Variants in F2 observed in about 807,000 individuals in gnomAD.
F2 encodes coagulation factor II, thrombin.
F2 carries 34 observed loss-of-function variants against 81.9 expected under a neutral mutation model. The observed-to-expected ratio is 0.42, with a 90% confidence interval of 0.32 to 0.55. The LOEUF (loss-of-function observed/expected upper bound fraction) is 0.55, where lower values mean the gene tolerates loss of function less well. Among genes scored for constraint, F2 ranks in the 20% least tolerant of loss-of-function variants. The pLI is 0.18. For missense variants in F2, 630 were observed against 833.4 expected (o/e 0.76, Z 3.00); for synonymous variants, 296 against 326.4 (o/e 0.91, Z 1.01).
At position 46,719,946 on chromosome 11, in the gene F2, G is replaced by A. The variant is rs2064825858; in HGVS notation, c.240+84G>A. On this transcript the variant is annotated intron_variant, in intron 2 of 13. Transcript: ENST00000311907. The surrounding 1 kb of genome is among the most constrained non-coding windows in gnomAD (Gnocchi z 4.7). ...TTCCACAGAGAAGCAAGCGAGGAAC[G>A]CCACAGCCCCTTCGCTGCTCACAGC... The A allele has an allele frequency of 8.0e-6, 12 of 1,498,196 alleles. No homozygotes were observed. Among genetic ancestry groups the A allele is most frequent in the Middle Eastern group, 2.3e-4 (1 of 4,306 alleles). The allele number at this position is 1,498,196 out of a possible 1,614,324, so 92.8% of individuals were successfully genotyped here.
Position 46,719,305 on chromosome 11 carries a change from A to G in F2, c.70A>G (p.Ser24Gly), listed in dbSNP as rs1269394557. ...GGCTGCCCTGTGTAGCCTTGTGCAC[A>G]GCCAGCATGGTAAGGGAGTGCTTGC... is the stretch of plus-strand genomic sequence containing the variant. ...ALAALCSLVH[S>G]QHVFLAPQQA... Residue 24 changes from serine (S) to glycine (G), a missense_variant, in exon 1 of 14, where the codon AGC becomes GGC. Ser to Gly is a moderately conservative substitution (Grantham distance 56, BLOSUM62 0). Transcript: ENST00000311907. The surrounding 1 kb of genome is among the most constrained non-coding windows in gnomAD (Gnocchi z 4.7). The G allele has an allele frequency of 6.2e-7, 1 of 1,613,242 alleles. No individual in the cohort carries two copies. The highest frequency in any genetic ancestry group is 8.5e-7 in the Non-Finnish European group (1 of 1,179,906).
intron 12 of F2, among the ~76,000 whole-genome samples, chr11:46,731,560 T>G (rs891075774): frequency 6.9e-6 from 1 of 144,156 alleles, no homozygotes; most frequent in African/African-American, 2.8e-5. Flanking sequence ...GTCTTGCTAA[T>G]GTCTTTTATA....
chr11:46,728,747 G>T lies in F2; in HGVS notation c.1382G>T (p.Arg461Leu). ...PRYNWRENLD[R>L]DIALMKLKKP... is the part of the protein sequence containing the mutation. ...TACAACTGGCGGGAGAACCTGGACC[G>T]GGACATTGCCCTGATGAAGCTGAAG... Residue 461 changes from arginine (R) to leucine (L), a missense_variant, in exon 11 of 14, where the codon CGG becomes CTG. Arg to Leu is a moderately radical substitution (Grantham distance 102). Coordinates refer to ENST00000311907, the MANE Select transcript of F2 (RefSeq NM_000506.5). The surrounding 1 kb of genome is among the most constrained non-coding windows in gnomAD (Gnocchi z 5.1). 1 of 1,614,226 alleles carries T rather than the reference G, an allele frequency of 6.2e-7. No homozygotes were observed. Among genetic ancestry groups the T allele is most frequent in the Admixed American group, 1.7e-5 (1 of 60,020 alleles).
At chr11:46,738,922 G>A in intron 12 of F2, 126 bp from the exon 13 acceptor site, 1 of 927,002 alleles carries the variant, frequency 1.1e-6, no homozygotes, top group South Asian at 1.3e-5. Context: ...GATGGGTAGG[G>A]TGAGGAAGTG....
Position 46,726,885 on chromosome 11 carries a change from G to A in F2, c.1130+48G>A. On this transcript the variant is annotated intron_variant, in intron 9 of 13. Transcript: ENST00000311907. This position sits in a 1 kb window ranked among gnomAD's most constrained non-coding sequence, Gnocchi z 5.9. ...ACCATTCACTCCTGGGGGCAGGTGT[G>A]CTGCTGGACCCCCACCCTCAGGCCC... The A allele has an allele frequency of 1.2e-6, 2 of 1,610,158 alleles. No homozygotes were observed. The highest frequency in any genetic ancestry group is 2.2e-5 in the South Asian group (2 of 90,978).
chr11:46,732,211 G>A (rs372215335), intron 12 of F2, among the ~76,000 whole-genome samples: 2 of 151,892 alleles, frequency 1.3e-5, no homozygotes, highest in African/African-American at 2.4e-5. Flanking sequence ...AATACGCCTG[G>A]CCTACTTTGA....
chr11:46,730,177 G>A (rs1029430760), intron 12 of F2, among the ~76,000 whole-genome samples: 2 of 151,884 alleles, frequency 1.3e-5, no homozygotes, highest in African/African-American at 2.4e-5. Flanking sequence ...ACGCATGCCT[G>A]TAGTCGCAGC....
At chr11:46,735,625 T>C (rs1325956202) in intron 12 of F2, among the ~76,000 whole-genome samples, 3 of 143,590 alleles carry the variant, frequency 2.1e-5, no homozygotes, top group African/African-American at 7.8e-5. Flanking sequence ...CCTGTTTCTA[T>C]TAAAAAAAAA....
intron 12 of F2, among the ~76,000 whole-genome samples, chr11:46,735,199 T>C (rs564313437): frequency 6.6e-6 from 1 of 152,028 alleles, no homozygotes; most frequent in Non-Finnish European, 1.5e-5. Flanking sequence ...CCCAGCACTT[T>C]GGGAGGCTGA....
Position 46,723,370 on chromosome 11 carries a change from T to A in F2, c.423-12T>A. 1 of 1,613,322 alleles carries A rather than the reference T, an allele frequency of 6.2e-7. No individual in the cohort carries two copies. Among genetic ancestry groups the A allele is most frequent in the South Asian group, 1.1e-5 (1 of 91,036 alleles). On this transcript the variant is annotated splice_polypyrimidine_tract_variant and intron_variant, in intron 5 of 13. Transcript: ENST00000311907. This position sits in a 1 kb window ranked among gnomAD's most constrained non-coding sequence, Gnocchi z 5.6. ...GCCCAACAGCCTCCTGTTGGGCAAT[T>A]TCCTGTTCCAGAATCAACTCCACTA...
In F2 at chr11:46,739,279, C is replaced by T. The variant is rs539897778; in HGVS notation, c.1740C>T (p.Asn580=). ...GPFVMKSPFN[N]RWYQMGIVSW... Reference sequence around the variant, plus strand: ...TTCTTCTTCAGAGCCCCTTTAACAACCGCTGGTATCAAATGGGCATCGTCT... The same window carrying T: ...TTCTTCTTCAGAGCCCCTTTAACAATCGCTGGTATCAAATGGGCATCGTCT... The change falls in exon 14 of 14, where the codon AAC becomes AAT. Residue 580 remains asparagine (N), a synonymous_variant. Coordinates refer to ENST00000311907, the MANE Select transcript of F2 (RefSeq NM_000506.5). 2 of 1,614,130 alleles carry T rather than the reference C, an allele frequency of 1.2e-6. No homozygotes were observed. The highest frequency in any genetic ancestry group is 1.3e-5 in the African/African-American group (1 of 75,030).
chr11:46,737,308 A>AT (rs1215512281), intron 12 of F2, among the ~76,000 whole-genome samples: 2 of 150,918 alleles, frequency 1.3e-5, no homozygotes, highest in East Asian at 1.9e-4. Flanking sequence ...TGCCCGGCTA[A>AT]TTTTTTTATA....
At chr11:46,732,905 C>G (rs1035299145) in intron 12 of F2, among the ~76,000 whole-genome samples, 1 of 152,168 alleles carries the variant, frequency 6.6e-6, no homozygotes, top group Non-Finnish European at 1.5e-5. Context: ...CTCCAGGGAA[C>G]CCTTGTAGTC....
intron 13 of F2, 27 bp from the exon 14 acceptor site, chr11:46,739,238 A>T: frequency 6.2e-7 from 1 of 1,613,684 alleles, no homozygotes; most frequent in African/African-American, 1.3e-5. Context: ...ACTTGACTCT[A>T]TTGGAAACCT....
At chr11:46,720,669 C>T (rs959393525) in intron 3 of F2, 121 bp from the exon 4 acceptor site, 4 of 1,495,398 alleles carry the variant, frequency 2.7e-6, no homozygotes, top group African/African-American at 2.8e-5. Context: ...CCCACTCCTT[C>T]CTTGGTCCCT....
At chr11:46,730,169 G>T (rs1033549520) in intron 12 of F2, among the ~76,000 whole-genome samples, 2 of 152,070 alleles carry the variant, frequency 1.3e-5, no homozygotes, top group Admixed American at 1.3e-4. Flanking sequence ...TCATGGTGAC[G>T]CATGCCTGTA....
In F2 at chr11:46,719,947, C is replaced by T. The variant is rs1181204356; in HGVS notation, c.240+85C>T. ...TCCACAGAGAAGCAAGCGAGGAACG[C>T]CACAGCCCCTTCGCTGCTCACAGCC... is the stretch of plus-strand genomic sequence containing the variant. On this transcript the variant is annotated intron_variant, in intron 2 of 13. Transcript: ENST00000311907. This position sits in a 1 kb window ranked among gnomAD's most constrained non-coding sequence, Gnocchi z 4.7. 3 of 1,495,166 alleles carry T rather than the reference C, an allele frequency of 2.0e-6. No homozygotes were observed. The African/African-American group carries it at 4.2e-5, about 21-fold the overall frequency. The allele number at this position is 1,495,166 out of a possible 1,614,324, so 92.6% of individuals were successfully genotyped here.
In F2 at chr11:46,729,579, G is replaced by A. The variant is rs371099326; in HGVS notation, c.1654+18G>A. The A allele has an allele frequency of 9.3e-6, 15 of 1,604,862 alleles. No individual in the cohort carries two copies. Among genetic ancestry groups the A allele is most frequent in the Admixed American group, 6.7e-5 (4 of 59,802 alleles). Reference sequence around the variant, plus strand: ...CTGTGCTGGCAAGTCTGTGCAGGGCGGGCTGAGGGAACAGTGGGGCCCAAG... The same window carrying A: ...CTGTGCTGGCAAGTCTGTGCAGGGCAGGCTGAGGGAACAGTGGGGCCCAAG... On this transcript the variant is annotated intron_variant, in intron 12 of 13. Coordinates refer to ENST00000311907, the MANE Select transcript of F2 (RefSeq NM_000506.5).
rs558280278 is a variant in F2 at position 46,720,601 on chromosome 11, G to C, written c.265+54G>C. On this transcript the variant is annotated intron_variant, in intron 3 of 13. Coordinates refer to ENST00000311907, the MANE Select transcript of F2 (RefSeq NM_000506.5). ...AAGGGAGGCCTGGGGACCCCAGTGA[G>C]AGAATTCTACCCAGAGAATCTTCTG... 6 of 1,607,186 alleles carry C rather than the reference G, an allele frequency of 3.7e-6. No homozygotes were observed. In the East Asian group the frequency reaches 1.1e-4, roughly 30 times the overall value.
Sources: gnomAD v4.1 joint callset for allele counts (sites outside exome capture counted in the v4.1 genomes callset) on GRCh38, gnomAD v4.1.1 for gene constraint, Gnocchi (gnomAD v3.1) non-coding constraint, MANE v1.5 for transcripts, NCBI Gene and HGNC (gene_info 2026-07-23, HGNC 2026-07-21) for gene names.